The following SCN1A variants were observed in gnomAD, a reference collection of about 807,000 sequenced individuals.
SCN1A encodes the protein sodium channel protein type 1 subunit alpha.
In SCN1A, 13 loss-of-function variants were observed where a neutral mutation model predicts 193.7. That is an observed-to-expected ratio of 0.07 (90% CI 0.04 to 0.11). The LOEUF is 0.11. SCN1A is among the 10% of genes least tolerant of loss of function. SCN1A has a pLI of 1.00. For synonymous variants in SCN1A, 781 were observed against 843.6 expected (o/e 0.93, Z 1.29); for missense variants, 1,432 against 2,451.1 (o/e 0.58, Z 8.78).
At chr2:166,144,892 C>T (rs567956877) in intron 1 of SCN1A, among the ~76,000 whole-genome samples, 3 of 151,420 alleles carry the variant, frequency 2.0e-5, no homozygotes, top group South Asian at 4.2e-4. Context: ...CACTCTGTCG[C>T]CCAGGCTAGA....
intron 2 of SCN1A, among the ~76,000 whole-genome samples, chr2:166,120,775 G>A (rs546584302): frequency 6.0e-4 from 91 of 151,052 alleles, no homozygotes; most frequent in Non-Finnish European, 1.1e-3. Context: ...CACCATGCCT[G>A]GCTAATTTTT....
At chr2:166,098,298 A>G (rs779649350) in intron 2 of SCN1A, among the ~76,000 whole-genome samples, 3 of 152,220 alleles carry the variant, frequency 2.0e-5, no homozygotes, top group African/African-American at 7.2e-5. Flanking sequence ...AAGATGCGGA[A>G]AAGGCTTTCA....
chr2:166,058,825 C>A lies in SCN1A; in HGVS notation c.265-137G>T, dbSNP rs10930201. ...AGCACAATCACAATTTCTAAAGTGCCCCATGAAAACAAACTGTCACTGGAT... is the reference window on the plus strand; with the variant it reads ...AGCACAATCACAATTTCTAAAGTGCACCATGAAAACAAACTGTCACTGGAT... On this transcript the variant is annotated intron_variant, in intron 4 of 28. Coordinates refer to ENST00000674923, the MANE Select transcript of SCN1A (RefSeq NM_001165963.4). 429,682 of 620,674 alleles carry A rather than the reference C, an allele frequency of 0.69. 150,744 individuals are homozygous for A. The highest frequency in any genetic ancestry group is 0.89 in the East Asian group (31,518 of 35,244). The allele number at this position is 620,674 out of a possible 1,614,324, so 38.4% of individuals were successfully genotyped here. A position where few individuals can be genotyped will look rare whatever the true frequency, so the allele number is the denominator to read the frequency against.
chr2:166,023,924 T>C (rs1199928741), intron 19 of SCN1A, among the ~76,000 whole-genome samples: 1 of 151,882 alleles, frequency 6.6e-6, no homozygotes, highest in Non-Finnish European at 1.5e-5. Context: ...TACAGGCACC[T>C]GCCACCATGC....
At chr2:166,014,343 A>G (rs1692958796) in intron 20 of SCN1A, among the ~76,000 whole-genome samples, 1 of 151,618 alleles carries the variant, frequency 6.6e-6, no homozygotes, top group African/African-American at 2.4e-5. Context: ...ACCATTTAGG[A>G]TTTTTTGTGA....
chr2:166,087,049 G>A (rs1327245829), intron 2 of SCN1A, among the ~76,000 whole-genome samples: 1 of 152,068 alleles, frequency 6.6e-6, no homozygotes, highest in Non-Finnish European at 1.5e-5. Flanking sequence ...TAATGTTGGA[G>A]GTGGGGCCTA....
At chr2:166,102,111 A>G (rs1001030950) in intron 2 of SCN1A, among the ~76,000 whole-genome samples, 6 of 152,256 alleles carry the variant, frequency 3.9e-5, no homozygotes, top group Non-Finnish European at 8.8e-5. Context: ...CAACAAGCAT[A>G]TGAAAAAATG....
intron 2 of SCN1A, among the ~76,000 whole-genome samples, chr2:166,124,031 C>T (rs1248655976): frequency 2.0e-5 from 3 of 152,156 alleles, no homozygotes; most frequent in Non-Finnish European, 4.4e-5. Context: ...TTTCTGTTTG[C>T]ATGCCCCTCT....
In SCN1A at chr2:166,008,427, T is replaced by C. The variant is rs546022204; in HGVS notation, c.4002+1292A>G. Among the ~76,000 whole-genome samples the C allele has an allele frequency of 8.7e-4, 132 of 151,192 alleles. 2 individuals are homozygous for C. Among genetic ancestry groups the C allele is most frequent in the Middle Eastern group, 3.4e-3 (1 of 294 alleles). The stretch of plus-strand genomic sequence containing the variant: ...CAAGTAGAATGTACACAAATGACAT[T>C]TTTTTTCTCCAGAACTGAAACTGCC... On this transcript the variant is annotated intron_variant, in intron 23 of 28. Transcript: ENST00000674923.
At position 166,051,906 on chromosome 2, in the gene SCN1A, G is replaced by A. The variant is rs121918735; in HGVS notation, c.777C>T (p.Ser259=). 3.1e-5 allele frequency: 50 copies of A among 1,612,348 alleles called. No homozygotes were observed. The highest frequency in any genetic ancestry group is 3.3e-4 in the Middle Eastern group (2 of 6,072). The part of the protein sequence containing the change: ...DVMILTVFCL[S]VFALIGLQLF... ...GCTGCAGCCCAATTAGAGCAAATACGCTCAGACAGAACACAGTCAGGATCA... is the reference window on the plus strand; with the variant it reads ...GCTGCAGCCCAATTAGAGCAAATACACTCAGACAGAACACAGTCAGGATCA... The change falls in exon 9 of 29, where the codon AGC becomes AGT. Residue 259 remains serine (S), a synonymous_variant. Transcript: ENST00000674923.
At chr2:166,052,560 TAC>T (rs1451555988) in intron 8 of SCN1A, among the ~76,000 whole-genome samples, 3 of 150,888 alleles carry the variant, frequency 2.0e-5, no homozygotes, top group African/African-American at 7.3e-5. Context: ...AATAAGAAAT[TAC>T]AGATTGGTAC....
At position 166,013,732 on chromosome 2, in the gene SCN1A, AAT is replaced by A. The variant is rs1559148541; in HGVS notation, c.3705+10_3705+11del. ...AATTAGTGCTGTATCACCTTTTCTT[AAT>A]CTCACTCACCAGAGCACCACTACTA... On this transcript the variant is annotated intron_variant, in intron 21 of 28. Transcript: ENST00000674923. 1 of 1,610,602 alleles carries A rather than the reference AAT, an allele frequency of 6.2e-7. No individual in the cohort carries two copies. Among genetic ancestry groups the A allele is most frequent in the Admixed American group, 1.7e-5 (1 of 59,730 alleles).
chr2:166,018,469 T>C (rs1017721663), intron 19 of SCN1A, among the ~76,000 whole-genome samples: 3 of 152,074 alleles, frequency 2.0e-5, no homozygotes, highest in African/African-American at 7.2e-5. Context: ...CAATAAGTTT[T>C]AATATTCAGA....
upstream of SCN1A, among the ~76,000 whole-genome samples, chr2:166,129,723 G>A (rs1338387334): frequency 2.0e-5 from 3 of 152,186 alleles, no homozygotes; most frequent in Admixed American, 6.5e-5. Context: ...AGTACTTAGA[G>A]ATTAGATATG....
chr2:166,022,713 G>A (rs527514770), intron 19 of SCN1A, among the ~76,000 whole-genome samples: 21 of 152,264 alleles, frequency 1.4e-4, no homozygotes, highest in African/African-American at 4.6e-4. Context: ...ATGTCACACC[G>A]AATCATTTTA....
chr2:166,111,763 T>C (rs1437403499), intron 2 of SCN1A, among the ~76,000 whole-genome samples: 2 of 152,108 alleles, frequency 1.3e-5, no homozygotes, highest in East Asian at 3.9e-4. Flanking sequence ...AATATCCATA[T>C]GAACAGGAGT....
intron 2 of SCN1A, chr2:166,092,424 G>T (rs2106089848): frequency 6.6e-6 from 1 of 152,262 alleles, no homozygotes; most frequent in East Asian, 1.9e-4. Flanking sequence ...GCAAGCTTTT[G>T]GTACCTAAGG....
intron 7 of SCN1A, 135 bp downstream of exon 7, chr2:166,054,503 A>C (rs1235391896): frequency 2.2e-6 from 2 of 928,758 alleles, no homozygotes; most frequent in African/African-American, 3.3e-5. Context: ...TGTTGTGCTA[A>C]ATTGAAATCC....
chr2:166,016,860 A>G (rs1693379035), intron 19 of SCN1A, among the ~76,000 whole-genome samples: 1 of 151,788 alleles, frequency 6.6e-6, no homozygotes. Flanking sequence ...ACCCGTTATC[A>G]CGATATTGTA....
Sources: gnomAD v4.1 joint callset for allele counts (sites outside exome capture counted in the v4.1 genomes callset) on GRCh38, gnomAD v4.1.1 for gene constraint, MANE v1.5 for transcripts, NCBI Gene and HGNC (gene_info 2026-07-23, HGNC 2026-07-21) for gene names.